SMIM13: variants seen among roughly 807,000 people sequenced by gnomAD.
SMIM13 encodes the protein UPF0766 protein C6orf228.
A neutral mutation model predicts 5.9 loss-of-function variants in SMIM13; 3 were observed. That is an observed-to-expected ratio of 0.51 (90% CI 0.23 to 1.31). The LOEUF is 1.31. Among genes scored for constraint, SMIM13 ranks in the 40% most tolerant of loss-of-function variants. The pLI is 0.18. For synonymous variants in SMIM13, 55 were observed against 46.0 expected (o/e 1.19, Z -0.79); for missense variants, 85 against 109.9 (o/e 0.77, Z 1.01).
chr6:11,115,608 A>T (rs141433253), intron 1 of SMIM13, among the ~76,000 whole-genome samples: 3 of 152,114 alleles, frequency 2.0e-5, no homozygotes, highest in Non-Finnish European at 4.4e-5. Flanking sequence ...CTTCATCTTT[A>T]CCAAATAATA....
At chr6:11,133,090 A>C (rs767974684) in intron 1 of SMIM13, among the ~76,000 whole-genome samples, 2 of 152,192 alleles carry the variant, frequency 1.3e-5, no homozygotes, top group African/African-American at 2.4e-5. Flanking sequence ...CTTTGTGAAT[A>C]TTCTGTCAGA....
intron 1 of SMIM13, among the ~76,000 whole-genome samples, chr6:11,130,708 A>C (rs1391353196): frequency 2.0e-5 from 3 of 152,200 alleles, no homozygotes; most frequent in Non-Finnish European, 4.4e-5. Context: ...GGGAAGAGAG[A>C]GTCTGTGATC....
chr6:11,109,297 T>G (rs1371451375), intron 1 of SMIM13, among the ~76,000 whole-genome samples: 1 of 152,180 alleles, frequency 6.6e-6, no homozygotes, highest in Non-Finnish European at 1.5e-5. Context: ...TTAATTTGGC[T>G]CAGGTCTTGC....
intron 1 of SMIM13, among the ~76,000 whole-genome samples, chr6:11,097,044 G>C (rs888363819): frequency 2.0e-5 from 3 of 152,144 alleles, no homozygotes; most frequent in African/African-American, 7.2e-5. Flanking sequence ...CTCCATGTTG[G>C]TCAGGCTGAT....
chr6:11,100,261 C>T (rs760459336), intron 1 of SMIM13, among the ~76,000 whole-genome samples: 11 of 152,124 alleles, frequency 7.2e-5, no homozygotes, highest in Middle Eastern at 3.4e-3. Flanking sequence ...GAGGTTTCAC[C>T]GTGTTAGCCA....
intron 1 of SMIM13, among the ~76,000 whole-genome samples, chr6:11,106,509 G>A (rs1052688952): frequency 3.9e-5 from 6 of 152,206 alleles, no homozygotes; most frequent in Non-Finnish European, 7.3e-5. Context: ...CTAAAGTGGC[G>A]GGAGTCCTGT....
intron 1 of SMIM13, among the ~76,000 whole-genome samples, chr6:11,100,262 G>A (rs112405265): frequency 2.6e-5 from 4 of 151,982 alleles, no homozygotes; most frequent in Non-Finnish European, 4.4e-5. Context: ...AGGTTTCACC[G>A]TGTTAGCCAG....
chr6:11,119,358 A>T (rs1758282033), intron 1 of SMIM13, among the ~76,000 whole-genome samples: 2 of 152,220 alleles, frequency 1.3e-5, no homozygotes, highest in South Asian at 4.2e-4. Context: ...AGTATGGATG[A>T]AAATTTGGTC....
chr6:11,104,782 T>G (rs748861093), intron 1 of SMIM13: 6 of 1,614,006 alleles, frequency 3.7e-6, no homozygotes, highest in African/African-American at 1.3e-5. Context: ...AAAGTAATAT[T>G]TGGAGGTTTG....
intron 1 of SMIM13, chr6:11,103,372 C>T (rs1758027256): frequency 3.5e-6 from 1 of 286,246 alleles, no homozygotes; most frequent in Non-Finnish European, 6.5e-6. Flanking sequence ...CTCACCATCA[C>T]CTGATGGTTG....
intron 1 of SMIM13, among the ~76,000 whole-genome samples, chr6:11,094,859 C>T (rs1372481070): frequency 6.6e-6 from 1 of 152,158 alleles, no homozygotes; most frequent in African/African-American, 2.4e-5. Context: ...CAGCCTTAAA[C>T]TCAATTCCAA....
At chr6:11,121,635 A>G (rs1456981566) in intron 1 of SMIM13, among the ~76,000 whole-genome samples, 1 of 152,208 alleles carries the variant, frequency 6.6e-6, no homozygotes, top group East Asian at 1.9e-4. Flanking sequence ...TACCAATATC[A>G]TGTAAAGGGT....
At chr6:11,124,581 C>T (rs955129796) in intron 1 of SMIM13, among the ~76,000 whole-genome samples, 3 of 152,126 alleles carry the variant, frequency 2.0e-5, no homozygotes, top group East Asian at 1.9e-4. Context: ...AAGGAACCTC[C>T]GAATTGTTCT....
intron 1 of SMIM13, among the ~76,000 whole-genome samples, chr6:11,118,176 A>G (rs9461488): frequency 0.036 from 5,092 of 141,946 alleles, 196 homozygotes; most frequent in East Asian, 0.13. Context: ...TGGCCAGTAT[A>G]TGGTTTGCCT....
intron 1 of SMIM13, among the ~76,000 whole-genome samples, chr6:11,132,927 G>A (rs1758469872): frequency 2.0e-5 from 3 of 152,086 alleles, no homozygotes; most frequent in Admixed American, 1.3e-4. Context: ...TAGGGTATGC[G>A]AATTACATCT....
chr6:11,114,584 C>CTGTTTCTATT (rs1561756031), intron 1 of SMIM13, among the ~76,000 whole-genome samples: 1 of 78,600 alleles, frequency 1.3e-5, no homozygotes, highest in African/African-American at 5.3e-5. Flanking sequence ...TGGTCATGCA[C>CTGTTTCTATT]TTTTTCTCTT....
chr6:11,127,378 G>A (rs1758390408), intron 1 of SMIM13, among the ~76,000 whole-genome samples: 1 of 152,192 alleles, frequency 6.6e-6, no homozygotes, highest in Non-Finnish European at 1.5e-5. Context: ...ACAGAGAACT[G>A]TTTCCTTGTG....
chr6:11,135,831 A>G lies in SMIM13; in HGVS notation c.*1229A>G, dbSNP rs1308390937. On this transcript the variant is annotated 3_prime_UTR_variant, in exon 2 of 2. Transcript: ENST00000416247. The stretch of plus-strand genomic sequence containing the variant: ...CTGTGATATGAAAGCATTGTGTCAT[A>G]GTTTAATGGGCAGTGTTTTTTCTTA... 3 of 152,268 alleles carry G rather than the reference A, an allele frequency of 2.0e-5. No individual in the cohort carries two copies. The highest frequency in any genetic ancestry group is 4.4e-5 in the Non-Finnish European group (3 of 68,048). 9.4% of individuals were successfully genotyped at this position (152,268 alleles called of 1,614,324 possible).
intron 1 of SMIM13, 48 bp downstream of exon 1, chr6:11,094,437 G>A (rs1442789694): frequency 3.6e-6 from 5 of 1,405,152 alleles, no homozygotes; most frequent in Non-Finnish European, 4.8e-6. Context: ...CCGGGTCGCT[G>A]ATCTGCTGGG....
Sources: allele counts gnomAD v4.1 joint callset (sites outside exome capture counted in the v4.1 genomes callset), GRCh38; gene constraint gnomAD v4.1.1; transcripts MANE v1.5; gene names NCBI Gene and HGNC (gene_info 2026-07-23, HGNC 2026-07-21).